The following PTPN2 variants were observed in gnomAD, a reference collection of about 807,000 sequenced individuals.
PTPN2 encodes the protein protein tyrosine phosphatase non-receptor type 2.
A neutral mutation model predicts 57.3 loss-of-function variants in PTPN2; 19 were observed. The observed-to-expected ratio is 0.33, with a 90% confidence interval of 0.23 to 0.49. The LOEUF is 0.49. Ranked by LOEUF, PTPN2 falls within the 20% of genes least tolerant of loss-of-function variation. PTPN2 has a pLI of 0.99. For synonymous variants in PTPN2, 153 were observed against 164.9 expected (o/e 0.93, Z 0.55); for missense variants, 358 against 501.1 (o/e 0.71, Z 2.73).
chr18:12,805,472 T>A (rs1205191914), intron 7 of PTPN2, among the ~76,000 whole-genome samples: 18 of 149,358 alleles, frequency 1.2e-4, no homozygotes, highest in Non-Finnish European at 2.5e-4. Flanking sequence ...AAAAAAAAAA[T>A]TCAACATACC....
rs73404452 is a variant in PTPN2, at chr18:12,828,483, T to C, written c.360+2460A>G. 5.4e-3 allele frequency among the ~76,000 whole-genome samples: 828 copies of C among 152,310 alleles called. 6 individuals are homozygous for C. The highest frequency in any genetic ancestry group is 0.018 in the African/African-American group (757 of 41,566). ...ATTATTTTGGTAGCAGATGATATCA[T>C]GATTATGGTTATATATTGTATATGA... On this transcript the variant is annotated intron_variant, in intron 4 of 8. Coordinates refer to ENST00000309660, the MANE Select transcript of PTPN2 (RefSeq NM_002828.4).
intron 1 of PTPN2, among the ~76,000 whole-genome samples, chr18:12,870,740 AC>A (rs1028606117): frequency 6.6e-6 from 1 of 151,396 alleles, no homozygotes; most frequent in African/African-American, 2.4e-5. Flanking sequence ...CGATCTCCTG[AC>A]CTCATGATCC....
downstream of PTPN2, among the ~76,000 whole-genome samples, chr18:12,788,411 G>A (rs1265092792): frequency 1.4e-5 from 2 of 143,108 alleles, no homozygotes; most frequent in Admixed American, 7.1e-5. Flanking sequence ...CCAATGGATC[G>A]CCCAGAGAGG....
intron 7 of PTPN2, among the ~76,000 whole-genome samples, chr18:12,806,066 T>C (rs921604415): frequency 4.6e-5 from 7 of 152,108 alleles, no homozygotes; most frequent in Non-Finnish European, 1.0e-4. Flanking sequence ...ATCTTATGTA[T>C]AGAAAACCCT....
intron 1 of PTPN2, among the ~76,000 whole-genome samples, chr18:12,875,116 C>T (rs1399512061): frequency 6.6e-6 from 1 of 152,016 alleles, no homozygotes; most frequent in Admixed American, 6.5e-5. Context: ...GCAGCATGCT[C>T]GTTAACAGTC....
chr18:12,858,303 A>G (rs2043665499), intron 2 of PTPN2, among the ~76,000 whole-genome samples: 1 of 152,202 alleles, frequency 6.6e-6, no homozygotes, highest in Admixed American at 6.5e-5. Context: ...TTAGCCCACT[A>G]AAGTCAAACA....
At chr18:12,787,417 T>C (rs1391677464), downstream of PTPN2, 3 of 152,220 alleles carry the variant, frequency 2.0e-5, no homozygotes, top group Non-Finnish European at 2.9e-5. Flanking sequence ...ATAGGGAGAA[T>C]GCTGTTTACC....
chr18:12,848,105 T>G (rs78049772), intron 2 of PTPN2, among the ~76,000 whole-genome samples: 2,894 of 152,272 alleles, frequency 0.019, 97 homozygotes, highest in African/African-American at 0.063. Context: ...TACCATAAAA[T>G]TTAACTTAAA....
At chr18:12,800,213 A>G (rs1419718543) in intron 8 of PTPN2, among the ~76,000 whole-genome samples, 1 of 152,172 alleles carries the variant, frequency 6.6e-6, no homozygotes, top group East Asian at 1.9e-4. Flanking sequence ...TGTATTTGCA[A>G]GCTTGTATGA....
intron 7 of PTPN2, among the ~76,000 whole-genome samples, chr18:12,813,552 C>A (rs1408343621): frequency 6.6e-6 from 1 of 152,184 alleles, no homozygotes; most frequent in Non-Finnish European, 1.5e-5. Context: ...TATGTTCACA[C>A]ATGAGAAACA....
downstream of PTPN2, among the ~76,000 whole-genome samples, chr18:12,788,639 C>A (rs2080770929): frequency 6.6e-6 from 1 of 151,876 alleles, no homozygotes. Context: ...GCCTCACAAA[C>A]CAAGTAAACA....
At chr18:12,829,639 T>C (rs2042600796) in intron 4 of PTPN2, among the ~76,000 whole-genome samples, 1 of 151,720 alleles carries the variant, frequency 6.6e-6, no homozygotes, top group Non-Finnish European at 1.5e-5. Flanking sequence ...TCCAAACCCA[T>C]AATAATTCAA....
chr18:12,813,124 G>A (rs916561632), intron 7 of PTPN2, among the ~76,000 whole-genome samples: 24 of 152,080 alleles, frequency 1.6e-4, no homozygotes, highest in Admixed American at 7.9e-4. Context: ...CAGGGAAGGC[G>A]GCATGCAGGC....
chr18:12,810,065 CCA>C (rs1426410286), intron 7 of PTPN2, among the ~76,000 whole-genome samples: 1 of 152,012 alleles, frequency 6.6e-6, no homozygotes, highest in Non-Finnish European at 1.5e-5. Context: ...GCCTGTAATC[CCA>C]GTTACTTGGG....
rs2041043512 is a variant in PTPN2 at position 12,793,439 on chromosome 18, T to C, written c.*839A>G. 2.0e-6 allele frequency: 2 copies of C among 977,718 alleles called. No individual in the cohort carries two copies. The highest frequency in any genetic ancestry group is 3.5e-5 in the African/African-American group (2 of 57,020). The allele number at this position is 977,718 out of a possible 1,614,324, so 60.6% of individuals were successfully genotyped here. A position where few individuals can be genotyped will look rare whatever the true frequency, so the allele number is the denominator to read the frequency against. On this transcript the variant is annotated 3_prime_UTR_variant, in exon 9 of 9. Coordinates refer to ENST00000309660, the MANE Select transcript of PTPN2 (RefSeq NM_002828.4). ...AAATAAACATATCAATAATGGGATT[T>C]ACAGAAACCAATTTCTTTACAAAGT...
Position 12,793,773 on chromosome 18 carries a change from A to AT in PTPN2, c.*504_*505insA. The AT allele has an allele frequency of 1.1e-6, 1 of 938,112 alleles. No homozygotes were observed. The highest frequency in any genetic ancestry group is 1.3e-6 in the Non-Finnish European group (1 of 785,690). 58.1% of individuals were successfully genotyped at this position (938,112 alleles called of 1,614,324 possible). A position where few individuals can be genotyped will look rare whatever the true frequency, so the allele number is the denominator to read the frequency against. On this transcript the variant is annotated 3_prime_UTR_variant, in exon 9 of 9. Transcript: ENST00000309660. ...GTTAACTACAAAAGATTAAATAGAT[A>AT]CTTATAAAATATATTTACCCTGAAA...
intron 4 of PTPN2, among the ~76,000 whole-genome samples, chr18:12,828,255 T>C (rs543052013): frequency 6.6e-6 from 1 of 152,280 alleles, no homozygotes; most frequent in South Asian, 2.1e-4. Context: ...AGTCCCTCCT[T>C]AGGAGCCACT....
chr18:12,865,773 G>A (rs1300340339), intron 1 of PTPN2, among the ~76,000 whole-genome samples: 1 of 151,794 alleles, frequency 6.6e-6, no homozygotes, highest in Non-Finnish European at 1.5e-5. Flanking sequence ...GTTGCAGTGA[G>A]CCGAGATAAC....
rs770475237 is a variant in PTPN2, at chr18:12,836,772, G to A, written c.261+19C>T. On this transcript the variant is annotated intron_variant, in intron 3 of 8. Coordinates refer to ENST00000309660, the MANE Select transcript of PTPN2 (RefSeq NM_002828.4). ...AAACACATCATTTTCAGACATTTGC[G>A]TGGTATCGTATTACTTGCCTGTGTT... The A allele has an allele frequency of 4.5e-5, 64 of 1,428,586 alleles. No homozygotes were observed. The highest frequency in any genetic ancestry group is 4.3e-4 in the Admixed American group (25 of 58,286). 88.5% of individuals were successfully genotyped at this position (1,428,586 alleles called of 1,614,324 possible).
Sources: gnomAD v4.1 joint callset for allele counts (sites outside exome capture counted in the v4.1 genomes callset) on GRCh38, gnomAD v4.1.1 for gene constraint, MANE v1.5 for transcripts, NCBI Gene and HGNC (gene_info 2026-07-23, HGNC 2026-07-21) for gene names.